PRUNE1: variants seen among roughly 807,000 people sequenced by gnomAD.
The protein encoded by PRUNE1 is exopolyphosphatase PRUNE1.
PRUNE1 carries 25 observed loss-of-function variants against 42.5 expected under a neutral mutation model. The observed-to-expected ratio is 0.59, with a 90% confidence interval of 0.43 to 0.82. PRUNE1 has a LOEUF of 0.82. Ranked by LOEUF, PRUNE1 falls within the 40% of genes least tolerant of loss-of-function variation. The pLI is 0.00. For missense variants in PRUNE1, 443 were observed against 539.3 expected (o/e 0.82, Z 1.77); for synonymous variants, 203 against 217.1 (o/e 0.93, Z 0.57).
At chr1:151,013,746 G>A (rs923021018) in intron 1 of PRUNE1, among the ~76,000 whole-genome samples, 18 of 152,260 alleles carry the variant, frequency 1.2e-4, no homozygotes, top group African/African-American at 4.3e-4. Context: ...GCTTCAGTGA[G>A]CAAGTTATTT....
Position 151,008,454 on chromosome 1 carries a change from C to T in PRUNE1, c.-179C>T, listed in dbSNP as rs1180173998. The T allele has an allele frequency of 8.2e-6, 9 of 1,095,824 alleles. No homozygotes were observed. The highest frequency in any genetic ancestry group is 1.2e-5 in the Non-Finnish European group (9 of 752,702). 67.9% of individuals were successfully genotyped at this position (1,095,824 alleles called of 1,614,324 possible). The stretch of plus-strand genomic sequence containing the variant: ...GCGACGCCGGACTCCGGAGCGCCCG[C>T]TTACGCAGTTCCTCCCGGGGTCGGA... On this transcript the variant is annotated 5_prime_UTR_variant, in exon 1 of 8. Transcript: ENST00000271620.
intron 7 of PRUNE1, 49 bp downstream of exon 7, chr1:151,028,993 G>A (rs367825233): frequency 1.3e-6 from 2 of 1,543,110 alleles, no homozygotes; most frequent in Admixed American, 1.7e-5. Flanking sequence ...GAGTCTGCCT[G>A]TATGTACCTC....
Position 151,034,540 on chromosome 1 carries a change from T to G in PRUNE1, c.*306T>G. ...TCCCAGCACAGTGGGACAAAAAGAA[T>G]TTAGACCCCAAAAGTGTCCTCGGCA... On this transcript the variant is annotated 3_prime_UTR_variant, in exon 8 of 8. Transcript: ENST00000271620. 3.1e-6 allele frequency: 1 copy of G among 327,614 alleles called. No individual in the cohort carries two copies. Among genetic ancestry groups the G allele is most frequent in the Non-Finnish European group, 5.7e-6 (1 of 174,648 alleles). 20.3% of individuals were successfully genotyped at this position (327,614 alleles called of 1,614,324 possible).
At chr1:151,024,818 G>A (rs1459114642) in intron 4 of PRUNE1, 23 bp downstream of exon 4, 1 of 1,590,058 alleles carries the variant, frequency 6.3e-7, no homozygotes, top group South Asian at 1.1e-5. Context: ...TTTGGATTGG[G>A]ACCTCAGTAG....
At chr1:151,020,262 T>C (rs1179245123) in intron 3 of PRUNE1, among the ~76,000 whole-genome samples, 1 of 150,180 alleles carries the variant, frequency 6.7e-6, no homozygotes, top group Non-Finnish European at 1.5e-5. Context: ...CAAAAATCTA[T>C]AAACATAGTG....
chr1:151,021,305 A>G (rs1051891030), intron 3 of PRUNE1, among the ~76,000 whole-genome samples: 4 of 151,256 alleles, frequency 2.6e-5, no homozygotes, highest in African/African-American at 9.7e-5. Context: ...AAAATACAAA[A>G]TTAGCCAGGC....
chr1:151,014,685 T>A (rs1034925435), intron 1 of PRUNE1, among the ~76,000 whole-genome samples: 2 of 152,198 alleles, frequency 1.3e-5, no homozygotes, highest in African/African-American at 4.8e-5. Context: ...GTCTAGCAAA[T>A]CTTCCCTGAT....
chr1:151,033,685 C>G lies in PRUNE1; in HGVS notation c.934-121C>G, dbSNP rs1397557605. ...GATTGCAAGCGTGAGCCACCGCACC[C>G]CGCCCGGCCGACTTACTTTTTAAAA... is the stretch of plus-strand genomic sequence containing the variant. On this transcript the variant is annotated intron_variant, in intron 7 of 7. Transcript: ENST00000271620. 4 of 989,324 alleles carry G rather than the reference C, an allele frequency of 4.0e-6. No homozygotes were observed. The East Asian group carries it at 9.8e-5, about 24-fold the overall frequency. 61.3% of individuals were successfully genotyped at this position (989,324 alleles called of 1,614,324 possible).
rs1196365005 is a variant in PRUNE1, at chr1:151,033,847, G to C, written c.975G>C (p.Lys325Asn). The C allele has an allele frequency of 6.2e-7, 1 of 1,613,982 alleles. No homozygotes were observed. Among genetic ancestry groups the C allele is most frequent in the Admixed American group, 1.7e-5 (1 of 59,996 alleles). ...AACGCTCCCACTCTCCACCCCTGAA[G>C]CTGACCCCTGCCTCAAGTACCCACC... Reference protein sequence around the residue: ...VLERSHSPPLKLTPASSTHPN... With the variant: ...VLERSHSPPLNLTPASSTHPN... Residue 325 changes from lysine (K) to asparagine (N), a missense_variant, in exon 8 of 8, where the codon AAG (lysine) becomes AAC (asparagine). Lys to Asn is a moderately conservative substitution (Grantham distance 94, BLOSUM62 0). Transcript: ENST00000271620.
chr1:151,016,178 C>T (rs12564067), intron 1 of PRUNE1, among the ~76,000 whole-genome samples: 26,111 of 151,570 alleles, frequency 0.17, 2,646 homozygotes, highest in East Asian at 0.43. Flanking sequence ...TGGAGGTTGC[C>T]GTGAGCCAAG....
chr1:151,031,052 C>G (rs1390058647), intron 7 of PRUNE1, among the ~76,000 whole-genome samples: 1 of 152,112 alleles, frequency 6.6e-6, no homozygotes, highest in Admixed American at 6.6e-5. Context: ...ACCTCTTCCA[C>G]GTTCCTGAAT....
intron 1 of PRUNE1, among the ~76,000 whole-genome samples, chr1:151,014,906 A>G (rs587715528): frequency 6.6e-6 from 1 of 152,342 alleles, no homozygotes; most frequent in South Asian, 2.1e-4. Flanking sequence ...AAAAAGAATT[A>G]TCCGGCTGGG....
chr1:151,011,072 T>G (rs935081337), intron 1 of PRUNE1, among the ~76,000 whole-genome samples: 1 of 152,238 alleles, frequency 6.6e-6, no homozygotes, highest in Admixed American at 6.5e-5. Flanking sequence ...CTCCATCCAG[T>G]TCTCCAGAGG....
At position 151,008,453 on chromosome 1, in the gene PRUNE1, G is replaced by C. The variant is rs1414480111; in HGVS notation, c.-180G>C. ...GGCGACGCCGGACTCCGGAGCGCCC[G>C]CTTACGCAGTTCCTCCCGGGGTCGG... On this transcript the variant is annotated 5_prime_UTR_variant, in exon 1 of 8. Transcript: ENST00000271620. 1.9e-6 allele frequency: 2 copies of C among 1,077,706 alleles called. No homozygotes were observed. Among genetic ancestry groups the C allele is most frequent in the African/African-American group, 3.2e-5 (2 of 63,226 alleles). 66.8% of individuals were successfully genotyped at this position (1,077,706 alleles called of 1,614,324 possible).
intron 3 of PRUNE1, among the ~76,000 whole-genome samples, chr1:151,021,008 T>C (rs114289628): frequency 0.043 from 6,332 of 148,650 alleles, 433 homozygotes; most frequent in African/African-American, 0.15. Context: ...TAGCTGGGCG[T>C]GGTGGCTCGC....
intron 2 of PRUNE1, 173 bp from the exon 3 acceptor site, chr1:151,018,294 A>G (rs1226360098): frequency 2.0e-5 from 15 of 761,708 alleles, no homozygotes; most frequent in Non-Finnish European, 3.1e-5. Flanking sequence ...TCATGTTATT[A>G]CTAAGAAGGA....
intron 7 of PRUNE1, among the ~76,000 whole-genome samples, chr1:151,032,737 A>T (rs928874278): frequency 6.6e-6 from 1 of 150,814 alleles, no homozygotes; most frequent in African/African-American, 2.4e-5. Flanking sequence ...AATACTGTGT[A>T]TATTAGTGTT....
rs1219096747 is a variant in PRUNE1, at chr1:151,028,930, G to A, written c.919G>A (p.Ala307Thr). Residue 307 changes from alanine (A) to threonine (T), a missense_variant, in exon 7 of 8, where the codon GCA becomes ACA. Coordinates refer to ENST00000271620, the MANE Select transcript of PRUNE1 (RefSeq NM_021222.3). ...RQLAIFCPHV[A>T]LQTTICEVLE... The stretch of plus-strand genomic sequence containing the variant: ...GTTGGCTATTTTCTGTCCCCATGTG[G>A]CACTCCAAACAACGGTGAGTCTGTG... 6.2e-7 allele frequency: 1 copy of A among 1,613,352 alleles called. No homozygotes were observed. Among genetic ancestry groups the A allele is most frequent in the East Asian group, 2.2e-5 (1 of 44,874 alleles).
At chr1:151,031,175 T>TTGTG (rs749796920) in intron 7 of PRUNE1, among the ~76,000 whole-genome samples, 9 of 137,278 alleles carry the variant, frequency 6.6e-5, no homozygotes, top group African/African-American at 2.5e-4. Flanking sequence ...TGTTTTGTTT[T>TTGTG]TGTGTGTGTG....
Sources: gnomAD v4.1 joint callset for allele counts (sites outside exome capture counted in the v4.1 genomes callset) on GRCh38, gnomAD v4.1.1 for gene constraint, MANE v1.5 for transcripts, NCBI Gene and HGNC (gene_info 2026-07-23, HGNC 2026-07-21) for gene names.